Variants in KPNA6 observed in about 807,000 individuals in gnomAD.
KPNA6 encodes the protein importin subunit alpha-7.
In KPNA6, 9 loss-of-function variants were observed where a neutral mutation model predicts 72.0. That is an observed-to-expected ratio of 0.13 (90% confidence interval 0.08 to 0.22). KPNA6 has a LOEUF of 0.22. KPNA6 is among the 10% of genes least tolerant of loss of function. KPNA6 has a pLI of 1.00. For missense variants in KPNA6, 374 were observed against 655.7 expected, an observed-to-expected ratio of 0.57 and a Z score of 4.69; for synonymous variants, 219 against 242.1, an observed-to-expected ratio of 0.90 and a Z score of 0.89.
At position 32,172,787 on chromosome 1, in the gene KPNA6, T is replaced by A. The variant is rs1642461129; in HGVS notation, c.*1893T>A. 17 of 233,496 alleles carry A rather than the reference T, an allele frequency of 7.3e-5. No individual in the cohort carries two copies. The highest frequency in any genetic ancestry group is 5.5e-4 in the South Asian group (3 of 5,504). 14.5% of individuals were successfully genotyped at this position (233,496 alleles called of 1,614,324 possible). A position where few individuals can be genotyped will look rare whatever the true frequency, so the allele number is the denominator to read the frequency against. The stretch of plus-strand genomic sequence containing the variant: ...TCCCCACTGTGGTTAGTCAGAGGCA[T>A]CCTGCTCCAAGCTCTGCTTTTCCTT... On this transcript the variant is annotated 3_prime_UTR_variant, in exon 14 of 14. Coordinates refer to ENST00000373625, the MANE Select transcript of KPNA6 (RefSeq NM_012316.5).
At chr1:32,141,544 C>T (rs1029830434) in intron 1 of KPNA6, among the ~76,000 whole-genome samples, 2 of 151,434 alleles carry the variant, frequency 1.3e-5, no homozygotes, top group African/African-American at 4.9e-5. Context: ...ATTACAGGCA[C>T]CCACCATCAT....
intron 11 of KPNA6, among the ~76,000 whole-genome samples, chr1:32,166,938 AAAAT>A (rs745794710): frequency 7.9e-5 from 12 of 152,200 alleles, no homozygotes; most frequent in Non-Finnish European, 1.6e-4. Flanking sequence ...ACTGTCTCAG[AAAAT>A]AAATAAATAA....
chr1:32,160,081 G>A (rs985832882), intron 6 of KPNA6, among the ~76,000 whole-genome samples: 2 of 152,104 alleles, frequency 1.3e-5, no homozygotes, highest in South Asian at 2.1e-4. Flanking sequence ...GGCAGATCAC[G>A]AGGTCAGGAG....
intron 1 of KPNA6, among the ~76,000 whole-genome samples, chr1:32,132,420 G>A (rs577694019): frequency 6.6e-6 from 1 of 152,266 alleles, no homozygotes; most frequent in African/African-American, 2.4e-5. Flanking sequence ...CACCTCCCAG[G>A]TAGCTGGGAC....
chr1:32,152,370 A>T (rs1642046660), intron 1 of KPNA6, among the ~76,000 whole-genome samples: 1 of 152,174 alleles, frequency 6.6e-6, no homozygotes, highest in Non-Finnish European at 1.5e-5. Flanking sequence ...TGACAACTTA[A>T]TTTAATGGAC....
At chr1:32,144,514 T>G (rs1465517678) in intron 1 of KPNA6, among the ~76,000 whole-genome samples, 1 of 152,250 alleles carries the variant, frequency 6.6e-6, no homozygotes, top group Non-Finnish European at 1.5e-5. Flanking sequence ...TAGGAACTAC[T>G]ATTCTGTTTT....
intron 12 of KPNA6, among the ~76,000 whole-genome samples, chr1:32,167,853 CAAAAAAAAAA>C (rs376077938): frequency 0.02 from 1,598 of 80,098 alleles, 40 homozygotes; most frequent in African/African-American, 0.058. Flanking sequence ...GAGTCTGTCA[CAAAAAAAAAA>C]AAAAACAAAA....
chr1:32,169,516 G>A (rs991483231), intron 12 of KPNA6, among the ~76,000 whole-genome samples: 1 of 149,154 alleles, frequency 6.7e-6, no homozygotes, highest in Non-Finnish European at 1.5e-5. Context: ...GCGTAATCTC[G>A]GCTCACTGCA....
intron 1 of KPNA6, among the ~76,000 whole-genome samples, chr1:32,118,999 T>C (rs866498848): frequency 9.4e-5 from 5 of 53,032 alleles, no homozygotes; most frequent in Non-Finnish European, 9.6e-5. Flanking sequence ...TGTGTATACA[T>C]ATATATATAT....
chr1:32,147,662 T>C (rs1043368284), intron 1 of KPNA6, among the ~76,000 whole-genome samples: 1 of 138,748 alleles, frequency 7.2e-6, no homozygotes, highest in Non-Finnish European at 1.6e-5. Flanking sequence ...TTTTTTTTTT[T>C]TTTTTTTTTT....
chr1:32,169,664 G>C (rs1442178851), intron 12 of KPNA6, among the ~76,000 whole-genome samples: 7 of 144,132 alleles, frequency 4.9e-5, no homozygotes, highest in Non-Finnish European at 9.0e-5. Flanking sequence ...GTTTCACCAT[G>C]TTAGCCAGGA....
chr1:32,139,142 T>C (rs1394990067), intron 1 of KPNA6, among the ~76,000 whole-genome samples: 1 of 152,168 alleles, frequency 6.6e-6, no homozygotes, highest in Admixed American at 6.6e-5. Flanking sequence ...ATAATAAATA[T>C]TTGAATGGTG....
intron 12 of KPNA6, 35 bp downstream of exon 12, chr1:32,167,331 A>G: frequency 6.2e-7 from 1 of 1,612,958 alleles, no homozygotes; most frequent in Non-Finnish European, 8.5e-7. Flanking sequence ...TTGAATGATA[A>G]TGGATGCTCT....
In KPNA6 at chr1:32,175,041, C is replaced by A. The variant is rs1642502020; in HGVS notation, c.*4147C>A. On this transcript the variant is annotated 3_prime_UTR_variant, in exon 14 of 14. Transcript: ENST00000373625. ...GCACTAGCTGCTCTTTGGCCAAGGC[C>A]TTCATAAATGATTCAGTCTCTCATT... The A allele has an allele frequency of 6.6e-6, 1 of 152,230 alleles. No homozygotes were observed. The highest frequency in any genetic ancestry group is 1.5e-5 in the Non-Finnish European group (1 of 68,044). The allele number at this position is 152,230 out of a possible 1,614,324, so 9.4% of individuals were successfully genotyped here.
intron 1 of KPNA6, among the ~76,000 whole-genome samples, chr1:32,110,700 C>G (rs537196884): frequency 1.3e-5 from 2 of 152,222 alleles, no homozygotes; most frequent in East Asian, 3.9e-4. Flanking sequence ...AGGACGACAC[C>G]AACCTGACCA....
intron 1 of KPNA6, among the ~76,000 whole-genome samples, chr1:32,151,832 A>AGG (rs894855916): frequency 1.3e-5 from 2 of 152,214 alleles, no homozygotes; most frequent in Non-Finnish European, 2.9e-5. Context: ...CAAAAGAAAA[A>AGG]GGGCAACAAA....
chr1:32,154,143 T>C (rs1642090766), intron 1 of KPNA6, among the ~76,000 whole-genome samples: 1 of 150,948 alleles, frequency 6.6e-6, no homozygotes, highest in Admixed American at 6.6e-5. Flanking sequence ...TGAGACCCTG[T>C]CTCAAAAAAA....
Position 32,108,212 on chromosome 1 carries a change from C to T in KPNA6, c.4+78C>T, listed in dbSNP as rs368472533. The T allele has an allele frequency of 4.8e-4, 764 of 1,593,678 alleles. 3 individuals are homozygous for T. The highest frequency in any genetic ancestry group is 1.8e-4 in the Non-Finnish European group (214 of 1,162,530). ...CTGGGATTTGGCGAGAGCCTGTCTC[C>T]GGTCTGCGGAAGATGTCTGCATCCC... On this transcript the variant is annotated intron_variant, in intron 1 of 13. Transcript: ENST00000373625.
At chr1:32,155,110 CAAAAAAAA>C (rs144040035) in intron 2 of KPNA6, among the ~76,000 whole-genome samples, 20 of 54,234 alleles carry the variant, frequency 3.7e-4, no homozygotes, top group South Asian at 8.6e-4. Flanking sequence ...AACTCCATCT[CAAAAAAAA>C]AAAAAAAAAA....
Sources: allele counts gnomAD v4.1 joint callset (sites outside exome capture counted in the v4.1 genomes callset), GRCh38; gene constraint gnomAD v4.1.1; transcripts MANE v1.5; gene names NCBI Gene and HGNC (gene_info 2026-07-23, HGNC 2026-07-21).